Variants in ACOX1 observed in about 807,000 individuals in gnomAD.
ACOX1 encodes the protein acyl-CoA oxidase 1.
In ACOX1, 41 loss-of-function variants were observed where a neutral mutation model predicts 75.5. The ratio of observed to expected loss-of-function variants is 0.54; its 90% confidence interval spans 0.42 to 0.70. The LOEUF (loss-of-function observed/expected upper bound fraction) is 0.70. Among genes scored for constraint, ACOX1 ranks in the 30% least tolerant of loss-of-function variants. The pLI, the probability that ACOX1 is intolerant of heterozygous loss-of-function variation, is 0.00. For missense variants in ACOX1, 630 were observed against 837.5 expected, an observed-to-expected ratio of 0.75 and a Z score of 3.06; for synonymous variants, 303 against 298.8, an observed-to-expected ratio of 1.01 and a Z score of -0.15.
rs2065682357 is a variant in ACOX1, at chr17:75,942,563, C to A, written c.*4185G>T. 1 of 151,974 alleles carries A rather than the reference C, an allele frequency of 6.6e-6. No homozygotes were observed. The highest frequency in any genetic ancestry group is 2.4e-5 in the African/African-American group (1 of 41,354). 9.4% of individuals were successfully genotyped at this position (151,974 alleles called of 1,614,324 possible). ...AGTAAAGAAACAGCAGAAATGACTT[C>A]CCTGCATTATTTCATGAAAATGATC... On this transcript the variant is annotated 3_prime_UTR_variant, in exon 14 of 14. Coordinates refer to ENST00000293217, the MANE Select transcript of ACOX1 (RefSeq NM_004035.7).
At chr17:75,975,869 GAGAGAAAGAA>G (rs1487817767) in intron 2 of ACOX1, among the ~76,000 whole-genome samples, 1 of 149,904 alleles carries the variant, frequency 6.7e-6, no homozygotes, top group African/African-American at 2.5e-5. Flanking sequence ...GAGAGAGAGA[GAGAGAAAGAA>G]AGAGAGAGAA....
At position 75,950,512 on chromosome 17, in the gene ACOX1, A is replaced by C. The variant is rs1405696016; in HGVS notation, c.1298+262T>G. 6.6e-6 allele frequency among the ~76,000 whole-genome samples: 1 copy of C among 152,100 alleles called. No individual in the cohort carries two copies. The highest frequency in any genetic ancestry group is 1.5e-5 in the Non-Finnish European group (1 of 68,012). ...TGATCTGCCCACCTCAGCTTCCCAA[A>C]GTGCTGGGATTACAGTCATGAGCCA... On this transcript the variant is annotated intron_variant, in intron 9 of 13. Coordinates refer to ENST00000293217, the MANE Select transcript of ACOX1 (RefSeq NM_004035.7). This position sits in a 1 kb window ranked among gnomAD's most constrained non-coding sequence, Gnocchi z 4.3.
intron 2 of ACOX1, among the ~76,000 whole-genome samples, chr17:75,977,020 CAG>C (rs1485676083): frequency 7.2e-5 from 7 of 97,086 alleles, no homozygotes; most frequent in Admixed American, 1.4e-4. Flanking sequence ...TTTTTTGAGA[CAG>C]AGTCTCTCTT....
chr17:75,954,778 G>A (rs774568909), intron 6 of ACOX1, among the ~76,000 whole-genome samples: 2 of 151,222 alleles, frequency 1.3e-5, no homozygotes, highest in African/African-American at 2.4e-5. Flanking sequence ...CACCATATTG[G>A]TCAGGCTGGT....
At position 75,960,090 on chromosome 17, in the gene ACOX1, G is replaced by A. The variant is rs2144270909; in HGVS notation, c.430+125C>T. ...TTTATACCAAAACCTGGACTCTGCA[G>A]AAAGAGCTCATTTAAACAGACCATA... On this transcript the variant is annotated intron_variant, in intron 3 of 13. Coordinates refer to ENST00000293217, the MANE Select transcript of ACOX1 (RefSeq NM_004035.7). The surrounding 1 kb of genome is among the most constrained non-coding windows in gnomAD (Gnocchi z 4.4). 2.5e-6 allele frequency: 3 copies of A among 1,219,692 alleles called. No individual in the cohort carries two copies. Among genetic ancestry groups the A allele is most frequent in the Non-Finnish European group, 3.5e-6 (3 of 855,272 alleles). The allele number at this position is 1,219,692 out of a possible 1,614,324, so 75.6% of individuals were successfully genotyped here. A position where few individuals can be genotyped will look rare whatever the true frequency, so the allele number is the denominator to read the frequency against.
At chr17:75,961,292 C>CAA (rs34895245) in intron 2 of ACOX1, among the ~76,000 whole-genome samples, 25 of 65,702 alleles carry the variant, frequency 3.8e-4, no homozygotes, top group African/African-American at 9.2e-4. Context: ...GACTCCATCT[C>CAA]AAAAAAAAAA....
intron 3 of ACOX1, among the ~76,000 whole-genome samples, chr17:75,958,541 G>C (rs1241657163): frequency 1.6e-4 from 23 of 148,210 alleles, no homozygotes; most frequent in Admixed American, 1.3e-3. Context: ...GGGCACGGTG[G>C]CTCACGCCTG....
At position 75,945,749 on chromosome 17, in the gene ACOX1, T is replaced by G. The variant is rs1387428484; in HGVS notation, c.*999A>C. 6.5e-6 allele frequency: 1 copy of G among 153,698 alleles called. No individual in the cohort carries two copies. The highest frequency in any genetic ancestry group is 1.5e-5 in the Non-Finnish European group (1 of 68,040). The allele number at this position is 153,698 out of a possible 1,614,324, so 9.5% of individuals were successfully genotyped here. A position where few individuals can be genotyped will look rare whatever the true frequency, so the allele number is the denominator to read the frequency against. On this transcript the variant is annotated 3_prime_UTR_variant, in exon 14 of 14. Transcript: ENST00000293217. ...ATAGAACCTATGGAACTTCCATTTT[T>G]CTAACTATAGTTTTTTGTTTTTGTT...
chr17:75,974,712 A>G (rs1310618590), intron 2 of ACOX1, among the ~76,000 whole-genome samples: 1 of 152,064 alleles, frequency 6.6e-6, no homozygotes, highest in African/African-American at 2.4e-5. Context: ...GTGCTGGGGG[A>G]CCCTGAAACC....
chr17:75,959,550 T>G (rs1370038160), intron 3 of ACOX1, among the ~76,000 whole-genome samples: 2 of 152,014 alleles, frequency 1.3e-5, no homozygotes, highest in Non-Finnish European at 2.9e-5. Flanking sequence ...TCAGAGAAGA[T>G]ACAAAGAGGA....
Position 75,946,755 on chromosome 17 carries a change from T to C in ACOX1, c.1976A>G (p.Lys659Arg). Residue 659 changes from lysine (K) to arginine (R), a missense_variant, in exon 14 of 14, where the codon AAG becomes AGG. By Grantham distance (26) the Lys-to-Arg change is conservative. This residue lies in a region of ACOX1 where 240 missense variants were observed against 262.7 expected (regional missense o/e 0.91). Transcript: ENST00000293217. ...ACTTGTCCTTGTGACACTTCAGAGC[T>C]TGGACTGCAGTGACTTCAGGTGCTT... ...SYKHLKSLQS[K>R]L The C allele has an allele frequency of 1.2e-6, 2 of 1,614,002 alleles. No homozygotes were observed. The highest frequency in any genetic ancestry group is 1.7e-6 in the Non-Finnish European group (2 of 1,179,864).
chr17:75,949,362 T>TCACTTGCTCG lies in ACOX1; in HGVS notation c.1585-3_1585-2insCGAGCAAGTG, dbSNP rs2144235871. ...AACTACCACATAGTGGCAATGTGCCTAAGATTAAAAAGAAAACACCAGAGT... is the reference window on the plus strand; with the variant it reads ...AACTACCACATAGTGGCAATGTGCCTCACTTGCTCGAAGATTAAAAAGAAAACACCAGAGT... On this transcript the variant is annotated splice_polypyrimidine_tract_variant and splice_region_variant and intron_variant, in intron 11 of 13. Coordinates refer to ENST00000293217, the MANE Select transcript of ACOX1 (RefSeq NM_004035.7). The TCACTTGCTCG allele has an allele frequency of 1.9e-6, 3 of 1,614,064 alleles. No individual in the cohort carries two copies. In the East Asian group the frequency reaches 6.7e-5, roughly 36 times the overall value.
At position 75,978,516 on chromosome 17, in the gene ACOX1, G is replaced by C. The variant is rs763026404; in HGVS notation, c.269+18C>G. 2.5e-6 allele frequency: 4 copies of C among 1,614,152 alleles called. No individual in the cohort carries two copies. Among genetic ancestry groups the C allele is most frequent in the Non-Finnish European group, 3.4e-6 (4 of 1,180,006 alleles). On this transcript the variant is annotated intron_variant, in intron 2 of 13. Coordinates refer to ENST00000293217, the MANE Select transcript of ACOX1 (RefSeq NM_004035.7). This position sits in a 1 kb window ranked among gnomAD's most constrained non-coding sequence, Gnocchi z 4.2. The stretch of plus-strand genomic sequence containing the variant: ...GTTTAGGCTTAACAACACTTGCTCT[G>C]TTCTAAGGCATACCTACTTTTTAAA...
At chr17:75,961,465 C>CAAAAAAAAAA (rs142857967) in intron 2 of ACOX1, among the ~76,000 whole-genome samples, 155 of 50,630 alleles carry the variant, frequency 3.1e-3, no homozygotes, top group Non-Finnish European at 3.8e-3. Context: ...ACTAAAAATA[C>CAAAAAAAAAA]AAAAAAAAAA....
intron 2 of ACOX1, among the ~76,000 whole-genome samples, chr17:75,975,385 C>T (rs1029275186): frequency 6.6e-6 from 1 of 152,106 alleles, no homozygotes; most frequent in Non-Finnish European, 1.5e-5. Context: ...ATGAAGTGGC[C>T]TGGCCTCAAG....
Position 75,941,789 on chromosome 17 carries a change from T to C in ACOX1, c.*4959A>G, listed in dbSNP as rs2065672644. On this transcript the variant is annotated 3_prime_UTR_variant, in exon 14 of 14. Coordinates refer to ENST00000293217, the MANE Select transcript of ACOX1 (RefSeq NM_004035.7). ...AGGGGGAAAAAGGTAGCAAAGTAAT[T>C]ATGTGCTCCCAAGGCAGTCATTTAG... 2 of 152,238 alleles carry C rather than the reference T, an allele frequency of 1.3e-5. No individual in the cohort carries two copies. Among genetic ancestry groups the C allele is most frequent in the Non-Finnish European group, 2.9e-5 (2 of 68,048 alleles). 9.4% of individuals were successfully genotyped at this position (152,238 alleles called of 1,614,324 possible). A position where few individuals can be genotyped will look rare whatever the true frequency, so the allele number is the denominator to read the frequency against.
At chr17:75,966,663 C>T (rs1431988165) in intron 2 of ACOX1, among the ~76,000 whole-genome samples, 2 of 151,520 alleles carry the variant, frequency 1.3e-5, no homozygotes, top group African/African-American at 4.9e-5. Context: ...ATTAGCTGGG[C>T]GTGGTGGCAG....
In ACOX1 at chr17:75,950,929, G is replaced by C; in HGVS notation, c.1143C>G (p.Thr381=). 5.6e-6 allele frequency: 9 copies of C among 1,614,176 alleles called. No homozygotes were observed. The Middle Eastern group carries it at 1.5e-3, about 266-fold the overall frequency. Residue 381 remains threonine, a synonymous_variant, in exon 9 of 14, where the codon ACC becomes ACG. Coordinates refer to ENST00000293217, the MANE Select transcript of ACOX1 (RefSeq NM_004035.7). The surrounding 1 kb of genome is among the most constrained non-coding windows in gnomAD (Gnocchi z 4.3). ...HALTAGLKAF[T]SWTANTGIEA... ...CAATGCCAGTGTTTGCAGTCCAGGA[G>C]GTGAAAGCCTTCAGTCCAGCGGTGA...
Position 75,978,778 on chromosome 17 carries a change from G to A in ACOX1, c.110-85C>T. On this transcript the variant is annotated intron_variant, in intron 1 of 13. Coordinates refer to ENST00000293217, the MANE Select transcript of ACOX1 (RefSeq NM_004035.7). The surrounding 1 kb of genome is among the most constrained non-coding windows in gnomAD (Gnocchi z 4.2). ...TCCCTGAATCACAATAGGCTTCAGA[G>A]TCGCGGACACACCTGGGGAATGGCG... 1 of 1,609,834 alleles carries A rather than the reference G, an allele frequency of 6.2e-7. No homozygotes were observed. The highest frequency in any genetic ancestry group is 8.5e-7 in the Non-Finnish European group (1 of 1,179,820).
Sources: allele counts gnomAD v4.1 joint callset (sites outside exome capture counted in the v4.1 genomes callset), GRCh38; gene constraint gnomAD v4.1.1; regional missense constraint gnomAD v4.1.1; non-coding constraint Gnocchi (gnomAD v3.1); transcripts MANE v1.5; gene names NCBI Gene and HGNC (gene_info 2026-07-23, HGNC 2026-07-21).